The following PALM2AKAP2 variants were observed in gnomAD, a reference collection of about 807,000 sequenced individuals.
PALM2AKAP2 encodes the protein PALM2-AKAP2 fusion protein.
In PALM2AKAP2, 37 loss-of-function variants were observed where a neutral mutation model predicts 71.5. That is an observed-to-expected ratio of 0.52 (90% CI 0.40 to 0.68). PALM2AKAP2 has a LOEUF of 0.68. PALM2AKAP2 is among the 30% of genes least tolerant of loss of function. The pLI is 0.00. For missense variants in PALM2AKAP2, 1,224 were observed against 1,191.8 expected, an observed-to-expected ratio of 1.03 and a Z score of -0.40; for synonymous variants, 468 against 478.8, an observed-to-expected ratio of 0.98 and a Z score of 0.29.
chr9:109,774,973 T>A (rs1327055367), intron 1 of PALM2AKAP2, among the ~76,000 whole-genome samples: 1 of 152,242 alleles, frequency 6.6e-6, no homozygotes, highest in African/African-American at 2.4e-5. Flanking sequence ...TGGACCAACA[T>A]CTGAATAACA....
chr9:109,802,197 G>A (rs974617901), intron 1 of PALM2AKAP2, among the ~76,000 whole-genome samples: 1 of 152,102 alleles, frequency 6.6e-6, no homozygotes, highest in African/African-American at 2.4e-5. Flanking sequence ...TCTGAAATGG[G>A]GTTGCTACAG....
chr9:109,859,760 G>A (rs17794870), intron 1 of PALM2AKAP2, among the ~76,000 whole-genome samples: 11,718 of 152,258 alleles, frequency 0.077, 645 homozygotes, highest in East Asian at 0.19. Context: ...GTGATGTTGC[G>A]GGTTAAATGG....
At chr9:109,799,764 G>A (rs1827368786) in intron 1 of PALM2AKAP2, among the ~76,000 whole-genome samples, 1 of 152,020 alleles carries the variant, frequency 6.6e-6, no homozygotes, top group Non-Finnish European at 1.5e-5. Context: ...CAAAGTGTTG[G>A]GATTACAGGC....
At chr9:109,799,075 A>G (rs1350179278) in intron 1 of PALM2AKAP2, among the ~76,000 whole-genome samples, 1 of 152,216 alleles carries the variant, frequency 6.6e-6, no homozygotes, top group African/African-American at 2.4e-5. Flanking sequence ...AACCTCCCCA[A>G]GAGGGCAAAA....
chr9:110,023,414 A>G (rs1014102480), intron 7 of PALM2AKAP2, among the ~76,000 whole-genome samples: 1 of 146,678 alleles, frequency 6.8e-6, no homozygotes, highest in South Asian at 2.2e-4. Flanking sequence ...TCCTGGGTTC[A>G]AGCAATTCTC....
chr9:109,753,798 A>G (rs1334065215), intron 1 of PALM2AKAP2, among the ~76,000 whole-genome samples: 1 of 150,438 alleles, frequency 6.6e-6, no homozygotes, highest in Admixed American at 6.6e-5. Context: ...GGAGTTCTTC[A>G]CTTCTTTAAA....
At chr9:110,043,317 C>G (rs891163331) in intron 7 of PALM2AKAP2, among the ~76,000 whole-genome samples, 1 of 152,172 alleles carries the variant, frequency 6.6e-6, no homozygotes, top group Non-Finnish European at 1.5e-5. Context: ...TCTTTTGGCC[C>G]TCTCTGTGAT....
At chr9:109,756,485 A>G (rs1425235348) in intron 1 of PALM2AKAP2, among the ~76,000 whole-genome samples, 1 of 152,090 alleles carries the variant, frequency 6.6e-6, no homozygotes, top group Non-Finnish European at 1.5e-5. Flanking sequence ...TTGTGGTGCT[A>G]TCTTTTATAG....
intron 1 of PALM2AKAP2, among the ~76,000 whole-genome samples, chr9:109,767,427 C>CATCT (rs1254190194): frequency 4.6e-5 from 7 of 152,368 alleles, no homozygotes; most frequent in Admixed American, 4.6e-4. Flanking sequence ...GCTGTTGCCC[C>CATCT]ATCTACCCCT....
At chr9:109,992,736 C>T (rs560056976) in intron 6 of PALM2AKAP2, among the ~76,000 whole-genome samples, 2 of 152,114 alleles carry the variant, frequency 1.3e-5, no homozygotes, top group South Asian at 4.2e-4. Flanking sequence ...AGAGAGAATG[C>T]AACTAGATGA....
At chr9:109,910,738 C>T (rs1294935414) in intron 3 of PALM2AKAP2, among the ~76,000 whole-genome samples, 5 of 150,266 alleles carry the variant, frequency 3.3e-5, no homozygotes, top group South Asian at 2.1e-4. Flanking sequence ...TGCAGCAGGG[C>T]GGTGAGGGCA....
intron 1 of PALM2AKAP2, among the ~76,000 whole-genome samples, chr9:110,113,028 A>T (rs1835284576): frequency 6.6e-6 from 1 of 152,188 alleles, no homozygotes; most frequent in Non-Finnish European, 1.5e-5. Context: ...AGGGTACATT[A>T]CCATTGCCAG....
intron 1 of PALM2AKAP2, among the ~76,000 whole-genome samples, chr9:109,864,972 A>G (rs1051639553): frequency 1.8e-4 from 27 of 152,050 alleles, no homozygotes; most frequent in African/African-American, 6.5e-4. Flanking sequence ...GGCAAGCCCT[A>G]CAACCAGTTA....
chr9:109,955,051 T>C (rs1831721618), intron 6 of PALM2AKAP2, among the ~76,000 whole-genome samples: 1 of 152,148 alleles, frequency 6.6e-6, no homozygotes, highest in Non-Finnish European at 1.5e-5. Flanking sequence ...CTTGGCCCAC[T>C]TCCTTTGTCT....
intron 6 of PALM2AKAP2, among the ~76,000 whole-genome samples, chr9:109,956,623 G>A (rs939563809): frequency 1.3e-5 from 2 of 152,168 alleles, no homozygotes; most frequent in African/African-American, 4.8e-5. Context: ...GTGAGGTGCT[G>A]TCACATACCT....
At chr9:110,129,173 A>G (rs1835679749) in intron 1 of PALM2AKAP2, among the ~76,000 whole-genome samples, 1 of 152,220 alleles carries the variant, frequency 6.6e-6, no homozygotes, top group Non-Finnish European at 1.5e-5. Context: ...AGAGCAACAG[A>G]TACGTCTCCA....
intron 7 of PALM2AKAP2, chr9:110,025,470 C>A (rs1205441402): frequency 4.7e-6 from 3 of 631,966 alleles, no homozygotes; most frequent in African/African-American, 1.9e-5. Flanking sequence ...AGTAAGTATT[C>A]TTGCTATGAA....
Position 110,076,492 on chromosome 9 carries a change from CATATAT to C in PALM2AKAP2, c.156+27651_156+27656del, listed in dbSNP as rs149836822. Among the ~76,000 whole-genome samples the C allele has an allele frequency of 2.1e-4, 22 of 106,750 alleles. 2 individuals carry two copies. Among genetic ancestry groups the C allele is most frequent in the African/African-American group, 4.9e-4 (11 of 22,252 alleles). 70.0% of individuals were successfully genotyped at this position (106,750 alleles called of 152,430 possible). On this transcript the variant is annotated intron_variant, in intron 1 of 3. Transcript: ENST00000374525. ...ATATAGGTATATCATATATATTCTACATATATATATATATATATAGGTATATATACC... is the reference window on the plus strand; with the variant it reads ...ATATAGGTATATCATATATATTCTACATATATATATATAGGTATATATACC...
At chr9:109,838,447 CT>C (rs1828548234) in intron 1 of PALM2AKAP2, among the ~76,000 whole-genome samples, 1 of 152,114 alleles carries the variant, frequency 6.6e-6, no homozygotes, top group South Asian at 2.1e-4. Flanking sequence ...AATTGACACC[CT>C]AACATCACAA....
Sources: gnomAD v4.1 joint callset for allele counts (sites outside exome capture counted in the v4.1 genomes callset) on GRCh38, gnomAD v4.1.1 for gene constraint, MANE v1.5 for transcripts, NCBI Gene and HGNC (gene_info 2026-07-23, HGNC 2026-07-21) for gene names.